The following NAV3 variants were observed in gnomAD, a reference collection of about 807,000 sequenced individuals.
The protein encoded by NAV3 is neuron navigator 3.
NAV3 carries 87 observed loss-of-function variants against 244.7 expected under a neutral mutation model. The ratio of observed to expected loss-of-function variants is 0.36; its 90% CI spans 0.30 to 0.42. The LOEUF is 0.42. Among genes scored for constraint, NAV3 ranks in the 20% least tolerant of loss-of-function variants. NAV3 has a pLI of 1.00. For synonymous variants in NAV3, 1,126 were observed against 1,042.2 expected (o/e 1.08, Z -1.55); for missense variants, 2,663 against 2,893.3 (o/e 0.92, Z 1.83).
intron 23 of NAV3, among the ~76,000 whole-genome samples, chr12:78,159,513 C>A (rs1478623633): frequency 6.6e-6 from 1 of 151,754 alleles, no homozygotes; most frequent in Non-Finnish European, 1.5e-5. Context: ...AAAACACACA[C>A]AAAAAATTAG....
At chr12:77,859,502 A>G (rs1023351348) in intron 1 of NAV3, among the ~76,000 whole-genome samples, 5 of 151,970 alleles carry the variant, frequency 3.3e-5, no homozygotes, top group African/African-American at 4.8e-5. Context: ...TTAGAACAAC[A>G]GTGTTTTGGG....
intron 1 of NAV3, among the ~76,000 whole-genome samples, chr12:77,856,688 A>G (rs1878443892): frequency 6.6e-6 from 1 of 152,188 alleles, no homozygotes; most frequent in African/African-American, 2.4e-5. Flanking sequence ...TGAATGCATA[A>G]CATTAAAATG....
chr12:78,165,481 A>C (rs1278031705), intron 23 of NAV3, among the ~76,000 whole-genome samples: 1 of 152,062 alleles, frequency 6.6e-6, no homozygotes, highest in Admixed American at 6.6e-5. Flanking sequence ...GTTTCCCTTC[A>C]ACATAAAGAA....
chr12:77,831,783 G>T, intron 1 of NAV3, 79 bp downstream of exon 1: 1 of 1,454,206 alleles, frequency 6.9e-7, no homozygotes, highest in Non-Finnish European at 9.2e-7. Flanking sequence ...AACATGTTAT[G>T]AAATGGGGAG....
At chr12:77,811,704 T>C (rs1422739180) in intron 2 of NAV3, among the ~76,000 whole-genome samples, 1 of 152,172 alleles carries the variant, frequency 6.6e-6, no homozygotes, top group African/African-American at 2.4e-5. Flanking sequence ...GGGTTGGAAT[T>C]GTCAAGGAAG....
chr12:77,874,868 AT>A (rs5799353), intron 1 of NAV3, among the ~76,000 whole-genome samples: 23,524 of 151,746 alleles, frequency 0.16, 2,110 homozygotes, highest in African/African-American at 0.25. Context: ...TTTATTCTGT[AT>A]TTTTTTTATA....
At chr12:77,903,541 C>G (rs1885570862) in intron 1 of NAV3, among the ~76,000 whole-genome samples, 1 of 152,128 alleles carries the variant, frequency 6.6e-6, no homozygotes, top group Non-Finnish European at 1.5e-5. Context: ...CATAAAAACT[C>G]TAGAAGAAAA....
chr12:77,675,425 C>CAACT (rs922795719), intron 2 of NAV3, among the ~76,000 whole-genome samples: 16 of 151,830 alleles, frequency 1.1e-4, no homozygotes, highest in African/African-American at 3.6e-4. Flanking sequence ...TAAGACCTTT[C>CAACT]AACTAAAAGG....
chr12:77,770,050 G>A (rs1036931551), intron 2 of NAV3, among the ~76,000 whole-genome samples: 5 of 152,094 alleles, frequency 3.3e-5, no homozygotes, highest in Non-Finnish European at 7.4e-5. Context: ...AAAAAATGGT[G>A]GCTTTGTATT....
At chr12:77,655,316 C>G (rs921928533) in intron 2 of NAV3, among the ~76,000 whole-genome samples, 10 of 152,032 alleles carry the variant, frequency 6.6e-5, no homozygotes, top group Non-Finnish European at 1.5e-4. Context: ...AATGCAGAAG[C>G]CTTAGGAGCC....
Position 77,775,393 on chromosome 12 carries a change from G to GA in NAV3, c.73-164913dup, listed in dbSNP as rs34505799. Among the ~76,000 whole-genome samples the GA allele has an allele frequency of 6.5e-3, 804 of 124,480 alleles. 5 individuals carry two copies. The highest frequency in any genetic ancestry group is 0.03 in the Middle Eastern group (6 of 200). 81.7% of individuals were successfully genotyped at this position (124,480 alleles called of 152,430 possible). A position where few individuals can be genotyped will look rare whatever the true frequency, so the allele number is the denominator to read the frequency against. On this transcript the variant is annotated intron_variant, in intron 2 of 8. Transcript: ENST00000550042. ...GGCAACAGGAGCAAAAGTCCATCTT[G>GA]AAAAAAAAAAAAAGAAAAAAGTGTG...
At chr12:77,971,214 A>G (rs575668735) in intron 5 of NAV3, among the ~76,000 whole-genome samples, 1 of 152,272 alleles carries the variant, frequency 6.6e-6, no homozygotes, top group South Asian at 2.1e-4. Context: ...TATGAAAAGT[A>G]TTCTTTTCAA....
intron 19 of NAV3, among the ~76,000 whole-genome samples, chr12:78,138,171 C>T (rs1956455512): frequency 6.6e-6 from 1 of 151,842 alleles, no homozygotes; most frequent in Admixed American, 6.6e-5. Context: ...AATTATTAAC[C>T]CTAATAATTA....
At chr12:78,045,688 T>C (rs534186314) in intron 9 of NAV3, among the ~76,000 whole-genome samples, 1 of 152,296 alleles carries the variant, frequency 6.6e-6, no homozygotes, top group African/African-American at 2.4e-5. Context: ...TGGCCTGGAA[T>C]TTTCTTTTTC....
intron 9 of NAV3, among the ~76,000 whole-genome samples, chr12:78,041,143 A>G (rs1593360824): frequency 6.6e-6 from 1 of 152,188 alleles, no homozygotes; most frequent in South Asian, 2.1e-4. Context: ...ATGTTAATCT[A>G]TAGGATTAGT....
intron 1 of NAV3, among the ~76,000 whole-genome samples, chr12:77,927,397 C>G (rs11107419): frequency 1.3e-5 from 2 of 152,116 alleles, no homozygotes; most frequent in East Asian, 1.9e-4. Context: ...TCCTTTTGTA[C>G]GAGCTGAGAG....
At chr12:77,707,997 A>G (rs1361861326) in intron 2 of NAV3, among the ~76,000 whole-genome samples, 2 of 152,064 alleles carry the variant, frequency 1.3e-5, no homozygotes, top group African/African-American at 2.4e-5. Context: ...ATTTTCTCCC[A>G]TTCTGTAGGT....
intron 2 of NAV3, among the ~76,000 whole-genome samples, chr12:77,825,642 T>A (rs1414049830): frequency 6.6e-6 from 1 of 152,098 alleles, no homozygotes; most frequent in Non-Finnish European, 1.5e-5. Context: ...TAGACACTAA[T>A]CAAAATCCTT....
chr12:77,637,271 C>G (rs1388305228), intron 2 of NAV3, among the ~76,000 whole-genome samples: 3 of 151,806 alleles, frequency 2.0e-5, no homozygotes, highest in African/African-American at 7.3e-5. Context: ...ATAGAATTTG[C>G]AAACCATCAC....
Sources: allele counts gnomAD v4.1 joint callset (sites outside exome capture counted in the v4.1 genomes callset), GRCh38; gene constraint gnomAD v4.1.1; transcripts MANE v1.5; gene names NCBI Gene and HGNC (gene_info 2026-07-23, HGNC 2026-07-21).